Variants in ATP10D observed in about 807,000 individuals in gnomAD.
The protein encoded by ATP10D is ATPase phospholipid transporting 10D (putative).
A neutral mutation model predicts 144.8 loss-of-function variants in ATP10D; 89 were observed. The ratio of observed to expected loss-of-function variants is 0.61; its 90% CI spans 0.52 to 0.73. The LOEUF (loss-of-function observed/expected upper bound fraction) is 0.73, where lower values mean the gene tolerates loss of function less well. Among genes scored for constraint, ATP10D ranks in the 30% least tolerant of loss-of-function variants. ATP10D has a pLI of 0.00. For synonymous variants in ATP10D, 571 were observed against 615.1 expected, an observed-to-expected ratio of 0.93 and a Z score of 1.06; for missense variants, 1,603 against 1,714.8, an observed-to-expected ratio of 0.93 and a Z score of 1.15.
In ATP10D at chr4:47,523,102, C is replaced by T. The variant is rs1717043686; in HGVS notation, c.576C>T (p.Asp192=). 6.2e-7 allele frequency: 1 copy of T among 1,613,900 alleles called. No homozygotes were observed. Among genetic ancestry groups the T allele is most frequent in the Non-Finnish European group, 8.5e-7 (1 of 1,179,924 alleles). ...RLSCNEVIPA[D]MVLLFSTDPD... ...CCTGCAACGAGGTCATCCCTGCAGACATGGTACTACTCTTTTCCACTGATC... is the reference window on the plus strand; with the variant it reads ...CCTGCAACGAGGTCATCCCTGCAGATATGGTACTACTCTTTTCCACTGATC... The change falls in exon 4 of 23, where the codon GAC becomes GAT. Residue 192 remains aspartate, a synonymous_variant. Transcript: ENST00000273859.
chr4:47,573,078 T>C lies in ATP10D; in HGVS notation c.3366+81T>C, dbSNP rs1720051344. On this transcript the variant is annotated intron_variant, in intron 18 of 22. Coordinates refer to ENST00000273859, the MANE Select transcript of ATP10D (RefSeq NM_020453.4). ...CATCAGGGATGAAGACGAAGTGTCC[T>C]ATGCTAAGCTCACTTTCCTTATTGA... 2.0e-6 allele frequency: 3 copies of C among 1,497,484 alleles called. No homozygotes were observed. In the East Asian group the frequency reaches 6.8e-5, roughly 34 times the overall value. The allele number at this position is 1,497,484 out of a possible 1,614,324, so 92.8% of individuals were successfully genotyped here.
At chr4:47,505,724 A>G (rs1297161684) in intron 1 of ATP10D, among the ~76,000 whole-genome samples, 1 of 152,048 alleles carries the variant, frequency 6.6e-6, no homozygotes, top group Non-Finnish European at 1.5e-5. Flanking sequence ...AGCATGGGCG[A>G]CAGAGCAAGA....
intron 1 of ATP10D, among the ~76,000 whole-genome samples, chr4:47,506,076 C>CTT (rs936259655): frequency 1.8e-4 from 28 of 152,130 alleles, no homozygotes; most frequent in African/African-American, 6.0e-4. Context: ...AACTTAGTAT[C>CTT]TTTTAGATAC....
chr4:47,541,630 T>G (rs1718139147), intron 9 of ATP10D, among the ~76,000 whole-genome samples: 1 of 152,208 alleles, frequency 6.6e-6, no homozygotes, highest in Admixed American at 6.5e-5. Context: ...GATGGAGGAT[T>G]GATGATACAA....
At chr4:47,491,379 G>A (rs1449391650) in intron 1 of ATP10D, 9 of 733,748 alleles carry the variant, frequency 1.2e-5, no homozygotes, top group South Asian at 4.2e-5. Flanking sequence ...CAGGTATGTG[G>A]CCAAAGGAAC....
chr4:47,569,265 C>A, intron 16 of ATP10D, 119 bp downstream of exon 16: 1 of 1,161,434 alleles, frequency 8.6e-7, no homozygotes, highest in African/African-American at 1.5e-5. Context: ...TTTTTCTCTA[C>A]CACATTCATG....
chr4:47,563,810 C>A, intron 15 of ATP10D, 45 bp downstream of exon 15: 1 of 1,431,368 alleles, frequency 7.0e-7, no homozygotes, highest in South Asian at 1.5e-5. Context: ...TTTTCAAAGG[C>A]ATTGGAACAT....
chr4:47,576,801 A>C lies in ATP10D; in HGVS notation c.3395A>C (p.Gln1132Pro), dbSNP rs758149277. The change falls in exon 19 of 23, where the codon CAG becomes CCG. Residue 1132 changes from glutamine (Q) to proline (P), a missense_variant. Physicochemically the swap from Gln to Pro is moderately conservative, Grantham distance 76. Transcript: ENST00000273859. ...VAYVNLLFWY[Q>P]FFCGFSGTSM... ...TATGTGAACCTCCTTTTCTGGTACCAGTTCTTTTGTGGATTTTCAGGAACA... is the reference window on the plus strand; with the variant it reads ...TATGTGAACCTCCTTTTCTGGTACCCGTTCTTTTGTGGATTTTCAGGAACA... 8 of 1,614,118 alleles carry C rather than the reference A, an allele frequency of 5.0e-6. No individual in the cohort carries two copies. The East Asian group carries it at 1.1e-4, about 22-fold the overall frequency.
At chr4:47,574,055 T>C (rs941656069) in intron 18 of ATP10D, among the ~76,000 whole-genome samples, 4 of 152,228 alleles carry the variant, frequency 2.6e-5, no homozygotes, top group African/African-American at 9.6e-5. Context: ...CTGCAGCTTG[T>C]AATTTACAAT....
At chr4:47,569,183 T>A (rs1719815647) in intron 16 of ATP10D, 37 bp downstream of exon 16, 1 of 1,587,774 alleles carries the variant, frequency 6.3e-7, no homozygotes, top group Non-Finnish European at 8.6e-7. Context: ...CTCTTCTCCC[T>A]TTCACACCAC....
chr4:47,554,642 G>A (rs1352969003), intron 10 of ATP10D, 84 bp from the exon 11 acceptor site: 4 of 1,083,786 alleles, frequency 3.7e-6, no homozygotes, highest in Non-Finnish European at 5.2e-6. Flanking sequence ...TTAGATCCTG[G>A]CTATACAAGT....
intron 1 of ATP10D, chr4:47,490,912 C>T: frequency 2.2e-6 from 1 of 454,160 alleles, no homozygotes; most frequent in Non-Finnish European, 4.1e-6. Context: ...GTATTGTTCA[C>T]ACTTCTTGCA....
chr4:47,486,463 G>C (rs11945442), intron 1 of ATP10D, among the ~76,000 whole-genome samples: 29,298 of 152,102 alleles, frequency 0.19, 2,937 homozygotes, highest in Middle Eastern at 0.23. Context: ...CAAGGACAGG[G>C]GCTCCTCATC....
chr4:47,487,758 G>T (rs554408191), intron 1 of ATP10D, among the ~76,000 whole-genome samples: 43 of 152,278 alleles, frequency 2.8e-4, no homozygotes, highest in African/African-American at 9.4e-4. Context: ...TAAAAGAGTT[G>T]TGGCCTTAAT....
intron 15 of ATP10D, among the ~76,000 whole-genome samples, chr4:47,567,538 A>T (rs541741693): frequency 1.3e-5 from 2 of 152,222 alleles, no homozygotes; most frequent in Non-Finnish European, 2.9e-5. Context: ...ACAATACCTT[A>T]AACACAATCT....
intron 1 of ATP10D, among the ~76,000 whole-genome samples, chr4:47,509,099 C>T (rs776883424): frequency 6.6e-6 from 1 of 152,166 alleles, no homozygotes; most frequent in African/African-American, 2.4e-5. Context: ...AAGGCTCTTT[C>T]CTGACTACTG....
intron 2 of ATP10D, 163 bp downstream of exon 2, chr4:47,512,993 C>G: frequency 1.5e-6 from 1 of 663,168 alleles, no homozygotes; most frequent in East Asian, 2.8e-5. Flanking sequence ...TCCTCCCATT[C>G]ACGTAGCACT....
rs555134788 is a variant in ATP10D at position 47,570,979 on chromosome 4, C to T, written c.3164-1175C>T. 1.6e-4 allele frequency among the ~76,000 whole-genome samples: 24 copies of T among 152,060 alleles called. No individual in the cohort carries two copies. In the East Asian group the frequency reaches 4.3e-3, roughly 27 times the overall value. On this transcript the variant is annotated intron_variant, in intron 16 of 22. Transcript: ENST00000273859. The stretch of plus-strand genomic sequence containing the variant: ...GCTCTCTCTTTCTATGTCTGTTTTC[C>T]CTCTGGACTGCTTCCAGTCTCAGGT...
chr4:47,546,349 G>A (rs1421502614), intron 9 of ATP10D, among the ~76,000 whole-genome samples: 1 of 151,948 alleles, frequency 6.6e-6, no homozygotes, highest in African/African-American at 2.4e-5. Flanking sequence ...GAGATGCTTT[G>A]TCCACAGTAG....
Sources: gnomAD v4.1 joint callset for allele counts (sites outside exome capture counted in the v4.1 genomes callset) on GRCh38, gnomAD v4.1.1 for gene constraint, MANE v1.5 for transcripts, NCBI Gene and HGNC (gene_info 2026-07-23, HGNC 2026-07-21) for gene names.